Variants in GOLPH3 observed in about 807,000 individuals in gnomAD.
GOLPH3 encodes golgi phosphoprotein 3, also known as coat protein GPP34.
In GOLPH3, 14 loss-of-function variants were observed where a neutral mutation model predicts 28.5. The observed-to-expected ratio is 0.49, with a 90% CI of 0.32 to 0.77. The LOEUF (loss-of-function observed/expected upper bound fraction) is 0.77. GOLPH3 is among the 30% of genes least tolerant of loss of function. The probability of loss-of-function intolerance (pLI) is 0.03; values close to 1 mark genes in which losing one functional copy is unlikely to be tolerated. For missense variants in GOLPH3, 350 were observed against 393.7 expected, an observed-to-expected ratio of 0.89 and a Z score of 0.94; for synonymous variants, 158 against 159.2, an observed-to-expected ratio of 0.99 and a Z score of 0.06.
chr5:32,173,029 A>C (rs542427523), intron 1 of GOLPH3, among the ~76,000 whole-genome samples: 2 of 152,320 alleles, frequency 1.3e-5, no homozygotes, highest in African/African-American at 4.8e-5. Flanking sequence ...GTCAGAATAC[A>C]AAGAATTATC....
intron 1 of GOLPH3, among the ~76,000 whole-genome samples, chr5:32,151,085 A>C (rs941600038): frequency 6.6e-6 from 1 of 152,212 alleles, no homozygotes; most frequent in Non-Finnish European, 1.5e-5. Context: ...CTTCCCAGCT[A>C]TTCTCAAAAT....
chr5:32,142,184 C>CTGA (rs1055848390), intron 2 of GOLPH3, among the ~76,000 whole-genome samples: 26 of 151,596 alleles, frequency 1.7e-4, no homozygotes, highest in Non-Finnish European at 3.1e-4. Context: ...GCCGCCATCA[C>CTGA]ATCTGGGAAG....
chr5:32,147,470 G>A (rs1468607275), intron 1 of GOLPH3, among the ~76,000 whole-genome samples: 1 of 151,968 alleles, frequency 6.6e-6, no homozygotes, highest in Admixed American at 6.6e-5. Flanking sequence ...TGGTGCAGAG[G>A]TTATTACAAA....
rs144458601 is a variant in GOLPH3, at chr5:32,150,466, A to G, written c.226-6586T>C. ...CAGGAAAACTTGGGGAGATAGCAAC[A>G]TATGTAGGGAACAGAAATGAAAGCT... On this transcript the variant is annotated intron_variant, in intron 1 of 3. Transcript: ENST00000265070. 1.9e-4 allele frequency among the ~76,000 whole-genome samples: 29 copies of G among 151,656 alleles called. No homozygotes were observed. The East Asian group carries it at 5.6e-3, about 29-fold the overall frequency.
chr5:32,156,784 G>GCGGA (rs1746439310), intron 1 of GOLPH3, among the ~76,000 whole-genome samples: 1 of 152,190 alleles, frequency 6.6e-6, no homozygotes, highest in South Asian at 2.1e-4. Context: ...CTGACAGGAG[G>GCGGA]CGGAGCTCAG....
chr5:32,145,504 T>G (rs770345442), intron 1 of GOLPH3, among the ~76,000 whole-genome samples: 1 of 152,206 alleles, frequency 6.6e-6, no homozygotes, highest in African/African-American at 2.4e-5. Context: ...GTTACAGATA[T>G]CTGGCTTTGA....
intron 3 of GOLPH3, among the ~76,000 whole-genome samples, chr5:32,131,711 C>T (rs537552650): frequency 7.2e-5 from 11 of 152,226 alleles, no homozygotes; most frequent in Non-Finnish European, 5.9e-5. Flanking sequence ...GAAGTAAATA[C>T]GGAGAGGAAA....
intron 1 of GOLPH3, among the ~76,000 whole-genome samples, chr5:32,149,196 C>T (rs562086569): frequency 6.6e-6 from 1 of 152,218 alleles, no homozygotes; most frequent in African/African-American, 2.4e-5. Context: ...AAGACAAATG[C>T]AGAGTAGAAA....
At chr5:32,148,751 C>T (rs1191077498) in intron 1 of GOLPH3, among the ~76,000 whole-genome samples, 6 of 152,302 alleles carry the variant, frequency 3.9e-5, no homozygotes, top group Admixed American at 1.3e-4. Context: ...GAGGCGAGAT[C>T]GCGCCAATGC....
rs1746669667 is a variant in GOLPH3, at chr5:32,164,813, C to T, written c.225+8997G>A. On this transcript the variant is annotated intron_variant, in intron 1 of 3. Transcript: ENST00000265070. Reference sequence around the variant, plus strand: ...AAGCCAGTAATCTACTTAATTAATACAGTAAATGTATTAAGTAAATTTATT... The same window carrying T: ...AAGCCAGTAATCTACTTAATTAATATAGTAAATGTATTAAGTAAATTTATT... Among the ~76,000 whole-genome samples the T allele has an allele frequency of 4.6e-5, 7 of 150,784 alleles. No individual in the cohort carries two copies. In the South Asian group the frequency reaches 1.5e-3, roughly 32 times the overall value.
chr5:32,126,371 C>T lies in GOLPH3; in HGVS notation c.738G>A (p.Ser246=), dbSNP rs372554767. The T allele has an allele frequency of 6.8e-6, 11 of 1,614,006 alleles. 1 individual carries two copies. Among genetic ancestry groups the T allele is most frequent in the African/African-American group, 1.3e-5 (1 of 74,888 alleles). ...LLALIYLAHA[S]DVLENAFAPL... The stretch of plus-strand genomic sequence containing the variant: ...GAGCAAAAGCATTCTCCAGGACGTC[C>T]GAGGCATGAGCCAGGTAAATGAGGG... Residue 246 remains serine, a synonymous_variant, in exon 4 of 4, where the codon TCG becomes TCA. Coordinates refer to ENST00000265070, the MANE Select transcript of GOLPH3 (RefSeq NM_022130.4).
Position 32,174,293 on chromosome 5 carries a change from G to C in GOLPH3, c.-259C>G. 3.0e-6 allele frequency: 1 copy of C among 335,878 alleles called. No individual in the cohort carries two copies. Among genetic ancestry groups the C allele is most frequent in the Admixed American group, 4.8e-5 (1 of 20,636 alleles). The allele number at this position is 335,878 out of a possible 1,614,324, so 20.8% of individuals were successfully genotyped here. A position where few individuals can be genotyped will look rare whatever the true frequency, so the allele number is the denominator to read the frequency against. On this transcript the variant is annotated 5_prime_UTR_variant, in exon 1 of 4. Transcript: ENST00000265070. The stretch of plus-strand genomic sequence containing the variant: ...CCGAAACACCCCGAGCTCCAAGGCG[G>C]AGGCGGCGGCGGCGCCTTTCCAATA...
intron 1 of GOLPH3, among the ~76,000 whole-genome samples, chr5:32,157,474 G>A (rs1324250472): frequency 3.9e-5 from 6 of 152,050 alleles, no homozygotes; most frequent in Admixed American, 1.3e-4. Context: ...GGCAAACAAC[G>A]CCAGAGTACA....
intron 1 of GOLPH3, among the ~76,000 whole-genome samples, chr5:32,159,531 AG>A (rs1456830852): frequency 6.6e-6 from 1 of 152,240 alleles, no homozygotes; most frequent in African/African-American, 2.4e-5. Context: ...TTCACAGCAG[AG>A]AGCACAAAAC....
intron 2 of GOLPH3, among the ~76,000 whole-genome samples, chr5:32,136,481 T>TAA (rs199826363): frequency 2.5e-5 from 3 of 121,314 alleles, no homozygotes; most frequent in Non-Finnish European, 5.3e-5. Flanking sequence ...AACTCCGACT[T>TAA]AAAAAAAAAA....
intron 1 of GOLPH3, among the ~76,000 whole-genome samples, chr5:32,169,079 G>C (rs1028459824): frequency 6.6e-6 from 1 of 151,972 alleles, no homozygotes; most frequent in Non-Finnish European, 1.5e-5. Context: ...TTCAAGACCA[G>C]CCTGAGCCAT....
intron 2 of GOLPH3, among the ~76,000 whole-genome samples, chr5:32,141,655 A>G (rs904056663): frequency 6.2e-4 from 95 of 152,286 alleles, no homozygotes; most frequent in African/African-American, 2.3e-3. Context: ...ATGCCGAGCC[A>G]AAGCTGGACG....
intron 1 of GOLPH3, among the ~76,000 whole-genome samples, chr5:32,148,247 G>C (rs1746221182): frequency 6.6e-6 from 1 of 152,142 alleles, no homozygotes; most frequent in South Asian, 2.1e-4. Flanking sequence ...TTCCATCTTT[G>C]AAAGGATTAC....
rs1245691651 is a variant in GOLPH3 at position 32,158,133 on chromosome 5, AC to A, written c.226-14254del. On this transcript the variant is annotated intron_variant, in intron 1 of 3. Coordinates refer to ENST00000265070, the MANE Select transcript of GOLPH3 (RefSeq NM_022130.4). ...AAATAAATAAATAAATAAATAAAAT[AC>A]ACACACACACACACACACACACACA... Among the ~76,000 whole-genome samples the A allele has an allele frequency of 7.6e-3, 79 of 10,348 alleles. 5 individuals are homozygous for A. The highest frequency in any genetic ancestry group is 0.019 in the African/African-American group (72 of 3,698). 6.8% of individuals were successfully genotyped at this position (10,348 alleles called of 152,430 possible).
Sources: allele counts gnomAD v4.1 joint callset (sites outside exome capture counted in the v4.1 genomes callset), GRCh38; gene constraint gnomAD v4.1.1; transcripts MANE v1.5; gene names NCBI Gene and HGNC (gene_info 2026-07-23, HGNC 2026-07-21).